C6orf120: variants seen among roughly 807,000 people sequenced by gnomAD.
C6orf120 encodes the protein chromosome 6 open reading frame 120, also known as UPF0669 protein C6orf120.
For missense variants in C6orf120, 311 were observed against 264.2 expected (o/e 1.18, Z -1.23); for synonymous variants, 165 against 123.1 (o/e 1.34, Z -2.25).
chr6:169,705,349 C>A, downstream of C6orf120: 1 of 1,500,230 alleles, frequency 6.7e-7, no homozygotes, highest in South Asian at 1.2e-5. Context: ...TTAGTGGTAT[C>A]TCACATAAGA....
chr6:169,702,140 C>A (rs747664269), upstream of C6orf120: 3 of 594,170 alleles, frequency 5.0e-6, no homozygotes, highest in Non-Finnish European at 9.5e-6. Flanking sequence ...CCGCCTCCGG[C>A]GAGGCTCCGG....
exon 1 of C6orf120, chr6:169,703,388 C>G (rs1788562025): frequency 3.7e-6 from 1 of 268,612 alleles, no homozygotes; most frequent in African/African-American, 2.2e-5. Context: ...TAATTTTACT[C>G]TGGAGATTCT....
chr6:169,705,474 G>A (rs1788749846), downstream of C6orf120: 1 of 711,808 alleles, frequency 1.4e-6, no homozygotes, highest in African/African-American at 1.8e-5. Flanking sequence ...GAAAACACAT[G>A]GGCTGTGTCT....
chr6:169,702,192 T>G (rs1488100857), exon 1 of C6orf120: 10 of 667,874 alleles, frequency 1.5e-5, no homozygotes, highest in African/African-American at 1.4e-4. Flanking sequence ...CTGCGGGGAG[T>G]GGTGGTGAGT....
downstream of C6orf120, chr6:169,705,303 T>A: frequency 6.2e-7 from 1 of 1,609,920 alleles, no homozygotes; most frequent in Non-Finnish European, 8.5e-7. Flanking sequence ...CATTGTCATA[T>A]CCAGGCAAGA....
exon 1 of C6orf120, chr6:169,703,728 CTT>C: frequency 2.4e-6 from 1 of 416,526 alleles, no homozygotes; most frequent in Non-Finnish European, 4.4e-6. Context: ...TGAAAATTAA[CTT>C]TTGGGGCTAT....
chr6:169,705,593 T>TAA (rs1201839667), downstream of C6orf120: 28 of 1,185,174 alleles, frequency 2.4e-5, no homozygotes, highest in Non-Finnish European at 3.3e-5. Context: ...GTTAAAATTT[T>TAA]AAAAAGACAT....
exon 1 of C6orf120, chr6:169,702,213 C>G: frequency 1.5e-6 from 1 of 684,548 alleles, no homozygotes; most frequent in East Asian, 2.8e-5. Context: ...CCGAGGGTGC[C>G]ACAGCGGCCC....
downstream of C6orf120, chr6:169,705,290 C>T (rs768635838): frequency 8.1e-6 from 13 of 1,612,492 alleles, no homozygotes; most frequent in East Asian, 2.2e-5. Context: ...TAGAAACAAG[C>T]TCCATTGTCA....
chr6:169,702,148 C>G (rs901686339), upstream of C6orf120: 19 of 608,482 alleles, frequency 3.1e-5, no homozygotes, highest in East Asian at 7.0e-5. Flanking sequence ...GGCGAGGCTC[C>G]GGCCTCGGGT....
At chr6:169,702,846 C>T (rs1788459632) in exon 1 of C6orf120, 3 of 1,612,076 alleles carry the variant, frequency 1.9e-6, no homozygotes, top group Non-Finnish European at 2.5e-6. Flanking sequence ...AGAGCGAGTT[C>T]GAGATGAAGG....
exon 1 of C6orf120, chr6:169,704,227 CCTT>C (rs925296182): frequency 3.5e-6 from 2 of 579,008 alleles, no homozygotes; most frequent in African/African-American, 4.0e-5. Context: ...ACTATGAGTT[CCTT>C]AATTTAAGGA....
chr6:169,705,237 C>G (rs1398027707), downstream of C6orf120: 1 of 1,612,732 alleles, frequency 6.2e-7, no homozygotes, highest in African/African-American at 1.3e-5. Context: ...ACATATAATG[C>G]ATGTTTTACA....
chr6:169,704,275 T>C (rs981631682), exon 1 of C6orf120: 9 of 518,276 alleles, frequency 1.7e-5, no homozygotes, highest in Non-Finnish European at 2.4e-5. Context: ...ATCAATGCCA[T>C]GCAAAATTCA....
chr6:169,705,159 C>T (rs759442715), downstream of C6orf120: 5 of 1,610,172 alleles, frequency 3.1e-6, no homozygotes, highest in Non-Finnish European at 4.2e-6. Context: ...AAGGCCCACA[C>T]AAAAAGTATG....
exon 1 of C6orf120, chr6:169,704,183 G>T: frequency 1.2e-6 from 1 of 841,202 alleles, no homozygotes; most frequent in Non-Finnish European, 1.8e-6. Flanking sequence ...TATCACTAAT[G>T]ATATTCCTCT....
At chr6:169,706,199 A>C (rs768194983), downstream of C6orf120, among the ~76,000 whole-genome samples, 3 of 152,206 alleles carry the variant, frequency 2.0e-5, no homozygotes, top group Non-Finnish European at 2.9e-5. Context: ...AAATCAGCTT[A>C]TCCTCATTGG....
chr6:169,703,233 A>G (rs1318399586), exon 1 of C6orf120: 38 of 624,942 alleles, frequency 6.1e-5, no homozygotes, highest in Non-Finnish European at 9.4e-5. Flanking sequence ...TTTAAAGATC[A>G]TAATTCCTAT....
exon 1 of C6orf120, chr6:169,703,667 T>G (rs1788603305): frequency 3.6e-6 from 1 of 278,940 alleles, no homozygotes; most frequent in South Asian, 8.5e-5. Flanking sequence ...TAAATAACTT[T>G]GTCAGTGCTA....
Sources: gnomAD v4.1 joint callset for allele counts (sites outside exome capture counted in the v4.1 genomes callset) on GRCh38, gnomAD v4.1.1 for gene constraint, MANE v1.5 for transcripts, NCBI Gene and HGNC (gene_info 2026-07-23, HGNC 2026-07-21) for gene names.